The following NHS variants were observed in gnomAD, a reference collection of about 807,000 sequenced individuals.
NHS encodes actin remodeling regulator NHS.
NHS carries 5 observed loss-of-function variants against 72.5 expected under a neutral mutation model. That is an observed-to-expected ratio of 0.07 (90% CI 0.04 to 0.14). NHS has a LOEUF of 0.14. Ranked by LOEUF, NHS falls within the 10% of genes least tolerant of loss-of-function variation. The pLI, the probability that NHS is intolerant of heterozygous loss-of-function variation, is 1.00. For synonymous variants in NHS, 464 were observed against 547.7 expected, an observed-to-expected ratio of 0.85 and a Z score of 2.13; for missense variants, 1,072 against 1,355.7, an observed-to-expected ratio of 0.79 and a Z score of 3.29.
intron 1 of NHS, among the ~76,000 whole-genome samples, chrX:17,439,250 A>G (rs897954049): frequency 9.0e-6 from 1 of 111,309 alleles, no homozygotes; most frequent in Non-Finnish European, 1.9e-5. Flanking sequence ...TTGTCCCAAG[A>G]CTTCTGTTCC....
intron 1 of NHS, among the ~76,000 whole-genome samples, chrX:17,607,177 C>T (rs1257817751): frequency 9.0e-6 from 1 of 111,163 alleles, no homozygotes; most frequent in Non-Finnish European, 1.9e-5. Flanking sequence ...CTTGGTGGTC[C>T]CTGGTGTACT....
At chrX:17,613,017 C>CT (rs10576021) in intron 1 of NHS, among the ~76,000 whole-genome samples, 9 of 102,676 alleles carry the variant, frequency 8.8e-5, no homozygotes, top group South Asian at 9.3e-4. Flanking sequence ...GTTTTCATCA[C>CT]TTTTTTTTTT....
chrX:17,700,127 G>GA (rs2066253519), intron 3 of NHS, among the ~76,000 whole-genome samples: 1 of 111,537 alleles, frequency 9.0e-6, no homozygotes, highest in African/African-American at 3.3e-5. Context: ...TTCAACTGAA[G>GA]AAAAATTGTT....
At chrX:17,502,788 C>CA (rs759665461) in intron 1 of NHS, among the ~76,000 whole-genome samples, 175 of 6,974 alleles carry the variant, frequency 0.025, 21 homozygotes, top group African/African-American at 0.046. Flanking sequence ...GACTCCGTCT[C>CA]AAAAAAAAAA....
intron 4 of NHS, 127 bp downstream of exon 4, chrX:17,719,533 A>G (rs1178061147): frequency 7.4e-6 from 4 of 543,176 alleles, no homozygotes; most frequent in African/African-American, 7.1e-5. Context: ...TTTAAAATCA[A>G]TTTAAAAAGT....
chrX:17,583,693 C>T (rs1376866742), intron 1 of NHS, among the ~76,000 whole-genome samples: 1 of 111,951 alleles, frequency 8.9e-6, no homozygotes, highest in African/African-American at 3.2e-5. Context: ...CCCACCTTGC[C>T]TCACCCTGCC....
chrX:17,636,433 TAACTCAG>T (rs1260076261), intron 1 of NHS, among the ~76,000 whole-genome samples: 1 of 112,781 alleles, frequency 8.9e-6, no homozygotes, highest in Non-Finnish European at 1.9e-5. Flanking sequence ...CCTTCAGTTG[TAACTCAG>T]GCTCCTTAAT....
chrX:17,411,888 G>A (rs113371216), intron 1 of NHS, among the ~76,000 whole-genome samples: 3,708 of 110,996 alleles, frequency 0.033, 166 homozygotes, highest in African/African-American at 0.12. Flanking sequence ...TTTTGTAAGG[G>A]GTAAGTGATT....
At chrX:17,431,054 G>A (rs1029915682) in intron 1 of NHS, among the ~76,000 whole-genome samples, 2 of 111,896 alleles carry the variant, frequency 1.8e-5, no homozygotes, top group Non-Finnish European at 3.8e-5. Context: ...AATAGATTAT[G>A]CATTTTTGAC....
At chrX:17,604,812 G>A (rs1601796930) in intron 1 of NHS, among the ~76,000 whole-genome samples, 1 of 112,319 alleles carries the variant, frequency 8.9e-6, no homozygotes, top group East Asian at 2.8e-4. Flanking sequence ...AGGGTCATAT[G>A]AGAATGTAAA....
intron 1 of NHS, among the ~76,000 whole-genome samples, chrX:17,414,045 T>C (rs1287814246): frequency 8.9e-6 from 1 of 112,073 alleles, no homozygotes; most frequent in Non-Finnish European, 1.9e-5. Flanking sequence ...ACATCTAAAC[T>C]GCAGGTGCAG....
At chrX:17,550,524 C>G (rs888915699) in intron 1 of NHS, among the ~76,000 whole-genome samples, 1 of 111,792 alleles carries the variant, frequency 8.9e-6, no homozygotes, top group Non-Finnish European at 1.9e-5. Context: ...GGGGCTGAGC[C>G]GCGCAGGTCT....
At chrX:17,501,921 G>A (rs1270656911) in intron 1 of NHS, among the ~76,000 whole-genome samples, 1 of 112,070 alleles carries the variant, frequency 8.9e-6, no homozygotes, top group Non-Finnish European at 1.9e-5. Flanking sequence ...AATATTAAGA[G>A]TCTTTGGCAC....
chrX:17,696,962 A>G (rs910890805), intron 3 of NHS, among the ~76,000 whole-genome samples: 1 of 111,768 alleles, frequency 8.9e-6, no homozygotes, highest in Non-Finnish European at 1.9e-5. Flanking sequence ...CACATGGAAG[A>G]AATGAACTAG....
At chrX:17,415,155 C>G (rs1345847970) in intron 1 of NHS, among the ~76,000 whole-genome samples, 1 of 111,816 alleles carries the variant, frequency 8.9e-6, no homozygotes, top group African/African-American at 3.2e-5. Flanking sequence ...ATCTGTCTGG[C>G]TCCTTCCAGG....
At chrX:17,671,481 C>T (rs181910032) in intron 1 of NHS, among the ~76,000 whole-genome samples, 2 of 112,686 alleles carry the variant, frequency 1.8e-5, no homozygotes, top group East Asian at 2.8e-4. Flanking sequence ...TTCTGAAGAA[C>T]AAAAACTTTG....
At chrX:17,461,924 T>C (rs1050717557) in intron 1 of NHS, among the ~76,000 whole-genome samples, 11 of 111,560 alleles carry the variant, frequency 9.9e-5, no homozygotes, top group Non-Finnish European at 2.1e-4. Flanking sequence ...ACAGGGTTCC[T>C]AAGAGCAACA....
chrX:17,695,298 G>A (rs2066221458), intron 3 of NHS, among the ~76,000 whole-genome samples: 1 of 111,913 alleles, frequency 8.9e-6, no homozygotes, highest in South Asian at 3.7e-4. Context: ...TGTTTACAAT[G>A]GGAAAGTTAA....
chrX:17,728,961 T>C (rs938605883), intron 8 of NHS, among the ~76,000 whole-genome samples, 186 bp downstream of exon 8: 1 of 112,408 alleles, frequency 8.9e-6, no homozygotes, highest in Admixed American at 9.5e-5. Flanking sequence ...AGTTGGGAAA[T>C]AGGATCTTTA....
Sources: allele counts gnomAD v4.1 joint callset (sites outside exome capture counted in the v4.1 genomes callset), GRCh38; gene constraint gnomAD v4.1.1; transcripts MANE v1.5; gene names NCBI Gene and HGNC (gene_info 2026-07-23, HGNC 2026-07-21).